Variants in SNX29 observed in about 807,000 individuals in gnomAD.
SNX29 encodes sorting nexin 29.
A neutral mutation model predicts 102.1 loss-of-function variants in SNX29; 78 were observed. The observed-to-expected ratio is 0.76, with a 90% CI of 0.64 to 0.92. The LOEUF (loss-of-function observed/expected upper bound fraction) is 0.92. SNX29 is among the 40% of genes least tolerant of loss of function. The pLI is 0.00. For missense variants in SNX29, 1,280 were observed against 1,061.7 expected (o/e 1.21, Z -2.86); for synonymous variants, 580 against 414.5 (o/e 1.40, Z -4.85).
intron 18 of SNX29, among the ~76,000 whole-genome samples, chr16:12,445,410 C>A (rs1354999522): frequency 1.3e-5 from 2 of 152,060 alleles, no homozygotes; most frequent in Non-Finnish European, 2.9e-5. Flanking sequence ...ATTCTGTACA[C>A]TGAGCAACTC....
chr16:12,393,384 TCATTCATTCATGCATG>T (rs2083601220), intron 16 of SNX29, among the ~76,000 whole-genome samples: 1 of 134,106 alleles, frequency 7.5e-6, no homozygotes, highest in Non-Finnish European at 1.7e-5. Context: ...ATCTTATGAT[TCATTCATTCATGCATG>T]CATGCATGCA....
intron 10 of SNX29, among the ~76,000 whole-genome samples, chr16:12,070,032 G>A (rs1043790143): frequency 2.0e-5 from 3 of 152,284 alleles, no homozygotes; most frequent in South Asian, 4.1e-4. Flanking sequence ...CCATCCTAGT[G>A]TTGTATATTT....
intron 11 of SNX29, among the ~76,000 whole-genome samples, chr16:12,124,477 C>T (rs2054120493): frequency 6.6e-6 from 1 of 152,126 alleles, no homozygotes; most frequent in African/African-American, 2.4e-5. Flanking sequence ...CCTTGATGTG[C>T]AGATACTATA....
chr16:12,146,640 G>A (rs146584965), intron 13 of SNX29, among the ~76,000 whole-genome samples: 16 of 152,292 alleles, frequency 1.1e-4, no homozygotes, highest in African/African-American at 3.8e-4. Context: ...ATCAGAAATG[G>A]AGCTAGTTCT....
chr16:12,155,239 G>C (rs2055491814), intron 13 of SNX29, among the ~76,000 whole-genome samples: 1 of 152,180 alleles, frequency 6.6e-6, no homozygotes, highest in Middle Eastern at 3.2e-3. Flanking sequence ...TTGGTTAGAA[G>C]GTTTGTAACA....
chr16:12,193,932 G>C (rs995961578), intron 13 of SNX29, among the ~76,000 whole-genome samples: 3 of 152,156 alleles, frequency 2.0e-5, no homozygotes, highest in African/African-American at 7.2e-5. Context: ...GAGTCTTCCT[G>C]CTTTGTGCTG....
At chr16:12,487,816 C>T (rs988078740) in intron 19 of SNX29, among the ~76,000 whole-genome samples, 3 of 152,306 alleles carry the variant, frequency 2.0e-5, no homozygotes, top group South Asian at 4.1e-4. Context: ...AAACTCAAGC[C>T]TGTGTCTCAT....
intron 20 of SNX29, chr16:12,557,506 AAC>A (rs1491195644): frequency 6.6e-6 from 1 of 152,100 alleles, no homozygotes; most frequent in Non-Finnish European, 1.5e-5. Flanking sequence ...GGATTACAGG[AAC>A]ACACCACCTC....
At chr16:12,140,955 CTA>C (rs2054846589) in intron 13 of SNX29, among the ~76,000 whole-genome samples, 1 of 152,126 alleles carries the variant, frequency 6.6e-6, no homozygotes, top group Non-Finnish European at 1.5e-5. Context: ...GTATAACACT[CTA>C]ATATGAAAGA....
intron 14 of SNX29, among the ~76,000 whole-genome samples, chr16:12,270,904 G>A (rs1026235541): frequency 1.1e-4 from 16 of 152,122 alleles, no homozygotes; most frequent in Non-Finnish European, 1.6e-4. Context: ...TTAGCTGGGC[G>A]TGGTGGTGTG....
chr16:12,563,598 G>C (rs556611129), intron 20 of SNX29, among the ~76,000 whole-genome samples: 1 of 126,152 alleles, frequency 7.9e-6, no homozygotes, highest in Admixed American at 7.4e-5. Flanking sequence ...CTCCATGTCT[G>C]TATCACCACA....
At chr16:12,334,411 G>T (rs1026816238) in intron 15 of SNX29, among the ~76,000 whole-genome samples, 1 of 152,018 alleles carries the variant, frequency 6.6e-6, no homozygotes, top group Non-Finnish European at 1.5e-5. Context: ...ATCATCCCCG[G>T]GTGCATTCGA....
In SNX29 at chr16:12,052,138, A is replaced by T. The variant is rs2050331996; in HGVS notation, c.1040A>T (p.Asp347Val). ...AAGCTTGATGTGAAAAGCATCGATG[A>T]TGAAGATGTGGATGAAAACGAAGAT... Reference protein sequence around the residue: ...YQKLDVKSIDDEDVDENEDDV... With the variant: ...YQKLDVKSIDVEDVDENEDDV... Residue 347 changes from aspartate to valine, a missense_variant, in exon 8 of 21, where the codon GAT becomes GTT. Transcript: ENST00000566228. 2 of 1,613,960 alleles carry T rather than the reference A, an allele frequency of 1.2e-6. No homozygotes were observed. Among genetic ancestry groups the T allele is most frequent in the Non-Finnish European group, 1.7e-6 (2 of 1,179,870 alleles).
chr16:12,552,990 G>A (rs1361411646), intron 20 of SNX29, among the ~76,000 whole-genome samples: 1 of 152,258 alleles, frequency 6.6e-6, no homozygotes, highest in Non-Finnish European at 1.5e-5. Flanking sequence ...CACTGTCTGA[G>A]GGGCTGAAAT....
chr16:12,555,273 C>A (rs911115825), intron 20 of SNX29, among the ~76,000 whole-genome samples: 1 of 151,382 alleles, frequency 6.6e-6, no homozygotes, highest in Admixed American at 6.6e-5. Context: ...AGGGTATGAC[C>A]TCCCAGAGAG....
intron 11 of SNX29, among the ~76,000 whole-genome samples, chr16:12,106,446 C>G (rs76892269): frequency 1.3e-5 from 2 of 152,052 alleles, no homozygotes; most frequent in Admixed American, 6.5e-5. Context: ...GGAGATAAGG[C>G]CCCCTCCTCG....
intron 13 of SNX29, among the ~76,000 whole-genome samples, chr16:12,168,425 C>T (rs1050079637): frequency 6.6e-6 from 1 of 152,178 alleles, no homozygotes; most frequent in Non-Finnish European, 1.5e-5. Flanking sequence ...TGAATGGTTG[C>T]TCAGAGAATC....
At chr16:12,501,772 A>G (rs1414976847) in intron 19 of SNX29, among the ~76,000 whole-genome samples, 1 of 150,338 alleles carries the variant, frequency 6.7e-6, no homozygotes, top group Non-Finnish European at 1.5e-5. Flanking sequence ...AAAGATCTAC[A>G]TGGTTCCTGC....
chr16:12,386,471 A>G (rs1004422753), intron 16 of SNX29, among the ~76,000 whole-genome samples: 5 of 152,078 alleles, frequency 3.3e-5, no homozygotes, highest in African/African-American at 1.2e-4. Context: ...TCGCAATGTG[A>G]ACTGGGTGGC....
Sources: gnomAD v4.1 joint callset for allele counts (sites outside exome capture counted in the v4.1 genomes callset) on GRCh38, gnomAD v4.1.1 for gene constraint, MANE v1.5 for transcripts, NCBI Gene and HGNC (gene_info 2026-07-23, HGNC 2026-07-21) for gene names.